The following ZNF727 variants were observed in gnomAD, a reference collection of about 807,000 sequenced individuals.
ZNF727 encodes the protein zinc finger protein 727, also known as putative zinc finger protein 727.
ZNF727 carries 11 observed loss-of-function variants against 11.5 expected under a neutral mutation model. That is an observed-to-expected ratio of 0.95 (90% confidence interval 0.60 to 1.58). The LOEUF is 1.58. Ranked by LOEUF, ZNF727 falls within the 40% of genes most tolerant of loss-of-function variation. The pLI is 0.00. For missense variants in ZNF727, 533 were observed against 581.7 expected (o/e 0.92, Z 0.86); for synonymous variants, 171 against 196.1 (o/e 0.87, Z 1.07).
chr7:64,076,765 T>A (rs1785664433), intron 3 of ZNF727, among the ~76,000 whole-genome samples: 1 of 152,226 alleles, frequency 6.6e-6, no homozygotes, highest in Non-Finnish European at 1.5e-5. Context: ...CTGCCTGTAG[T>A]CACTTGCTAT....
chr7:64,075,569 T>C (rs1411300879), intron 3 of ZNF727, among the ~76,000 whole-genome samples: 3 of 152,134 alleles, frequency 2.0e-5, no homozygotes, highest in Admixed American at 2.0e-4. Context: ...AAAAAAATTA[T>C]GCTCTTTGTA....
In ZNF727 at chr7:64,078,573, AAATGT is replaced by A. The variant is rs1562799287; in HGVS notation, c.*29_*33del. 4 of 1,553,274 alleles carry A rather than the reference AAATGT, an allele frequency of 2.6e-6. No individual in the cohort carries two copies. The South Asian group carries it at 4.7e-5, about 18-fold the overall frequency. ...AATTCATACTGGAGATAAACCTTAC[AAATGT>A]AATGAATGTGGAAAAGCTTTTACGT... On this transcript the variant is annotated 3_prime_UTR_variant, in exon 4 of 4. Transcript: ENST00000456806.
At chr7:64,056,515 G>C (rs2116282892) in intron 1 of ZNF727, among the ~76,000 whole-genome samples, 1 of 152,262 alleles carries the variant, frequency 6.6e-6, no homozygotes, top group South Asian at 2.1e-4. Context: ...GTGTCTCACA[G>C]CTCTCATTTG....
intron 2 of ZNF727, among the ~76,000 whole-genome samples, 197 bp downstream of exon 2, chr7:64,069,214 A>C (rs1361016389): frequency 6.6e-6 from 1 of 151,888 alleles, no homozygotes; most frequent in East Asian, 1.9e-4. Context: ...TTTTGAGCTC[A>C]TCTGTATATT....
intron 1 of ZNF727, among the ~76,000 whole-genome samples, chr7:64,060,997 T>C (rs1789761771): frequency 2.6e-5 from 4 of 152,184 alleles, no homozygotes; most frequent in Admixed American, 6.5e-5. Context: ...TTTCTGTTAG[T>C]GATTTCTAGT....
At chr7:64,055,343 A>C (rs2116279758) in intron 1 of ZNF727, among the ~76,000 whole-genome samples, 1 of 152,102 alleles carries the variant, frequency 6.6e-6, no homozygotes, top group South Asian at 2.1e-4. Flanking sequence ...ACTTGAACCC[A>C]GGAGCCAGAG....
chr7:64,046,458 C>T (rs1360985365), intron 1 of ZNF727, among the ~76,000 whole-genome samples: 1 of 152,170 alleles, frequency 6.6e-6, no homozygotes, highest in Non-Finnish European at 1.5e-5. Context: ...GTGAATTTCT[C>T]ATGAATAGTT....
intron 1 of ZNF727, among the ~76,000 whole-genome samples, chr7:64,046,384 C>T (rs1224070562): frequency 1.3e-5 from 2 of 152,180 alleles, no homozygotes; most frequent in Non-Finnish European, 2.9e-5. Context: ...GCCCAACTCT[C>T]CTATTTAAAT....
Position 64,079,282 on chromosome 7 carries a change from T to A in ZNF727, c.*733T>A, listed in dbSNP as rs1785746462. Among the ~76,000 whole-genome samples, 1 of 152,204 alleles carries A rather than the reference T, an allele frequency of 6.6e-6. No homozygotes were observed. The highest frequency in any genetic ancestry group is 2.4e-5 in the African/African-American group (1 of 41,450). On this transcript the variant is annotated 3_prime_UTR_variant, in exon 4 of 4. Transcript: ENST00000456806. ...GAAAAGCCTTTAACAATTCGTCATA[T>A]TGTGTTCAACATCAGAGACTTACTA...
At chr7:64,050,867 T>C (rs1169908884) in intron 1 of ZNF727, among the ~76,000 whole-genome samples, 4 of 151,982 alleles carry the variant, frequency 2.6e-5, no homozygotes, top group African/African-American at 9.7e-5. Flanking sequence ...CTTTTGACTG[T>C]AGAGCTTTTA....
At chr7:64,077,155 A>ATAAAG in intron 3 of ZNF727, 121 bp from the exon 4 acceptor site, 2 of 1,002,696 alleles carry the variant, frequency 2.0e-6, no homozygotes, top group Non-Finnish European at 2.8e-6. Context: ...TAAAGGAAGT[A>ATAAAG]GAGCCTGTGG....
chr7:64,065,094 C>A (rs997191214), intron 1 of ZNF727, among the ~76,000 whole-genome samples: 7 of 152,068 alleles, frequency 4.6e-5, no homozygotes, highest in African/African-American at 1.4e-4. Flanking sequence ...GGGATGGTTG[C>A]TGGAGGGTGC....
At chr7:64,063,337 GA>G (rs778227655) in intron 1 of ZNF727, among the ~76,000 whole-genome samples, 6 of 152,120 alleles carry the variant, frequency 3.9e-5, no homozygotes, top group Non-Finnish European at 7.4e-5. Flanking sequence ...TGCATTAGGG[GA>G]CACCCCAACC....
At chr7:64,052,432 T>A (rs561340086) in intron 1 of ZNF727, among the ~76,000 whole-genome samples, 3 of 150,078 alleles carry the variant, frequency 2.0e-5, no homozygotes, top group African/African-American at 4.9e-5. Flanking sequence ...TATGACTTGC[T>A]CCTTCTTGCC....
intron 3 of ZNF727, among the ~76,000 whole-genome samples, chr7:64,072,457 T>A (rs1400897116): frequency 1.3e-5 from 2 of 152,154 alleles, no homozygotes; most frequent in African/African-American, 4.8e-5. Context: ...TGTTTCTTAC[T>A]GAGTATGTGG....
At chr7:64,052,876 C>T (rs778663348) in intron 1 of ZNF727, among the ~76,000 whole-genome samples, 3 of 152,198 alleles carry the variant, frequency 2.0e-5, no homozygotes, top group Non-Finnish European at 2.9e-5. Flanking sequence ...TTCAAACTTG[C>T]GTGAGACCTG....
At chr7:64,059,126 A>G (rs1267655719) in intron 1 of ZNF727, among the ~76,000 whole-genome samples, 1 of 151,814 alleles carries the variant, frequency 6.6e-6, no homozygotes, top group Non-Finnish European at 1.5e-5. Context: ...TGTATTTTTA[A>G]TAGAGACGGG....
chr7:64,068,775 T>G, intron 1 of ZNF727, 116 bp from the exon 2 acceptor site: 1 of 1,207,474 alleles, frequency 8.3e-7, no homozygotes, highest in African/African-American at 1.5e-5. Flanking sequence ...AGTATCCTAT[T>G]GGATAACTCC....
Position 64,061,577 on chromosome 7 carries a change from G to A in ZNF727, c.4-7314G>A, listed in dbSNP as rs545966729. ...GTCTTTCTGTGTCTTTATTGGTGAA[G>A]TATGTATCTTGTAGGAAACAGATTG... is the stretch of plus-strand genomic sequence containing the variant. On this transcript the variant is annotated intron_variant, in intron 1 of 3. Coordinates refer to ENST00000456806, the MANE Select transcript of ZNF727 (RefSeq NM_001159522.3). Among the ~76,000 whole-genome samples, 161 of 151,522 alleles carry A rather than the reference G, an allele frequency of 1.1e-3. 1 individual carries two copies. Among genetic ancestry groups the A allele is most frequent in the African/African-American group, 3.8e-3 (159 of 41,380 alleles).
Sources: gnomAD v4.1 joint callset for allele counts (sites outside exome capture counted in the v4.1 genomes callset) on GRCh38, gnomAD v4.1.1 for gene constraint, MANE v1.5 for transcripts, NCBI Gene and HGNC (gene_info 2026-07-23, HGNC 2026-07-21) for gene names.